UBE2Z: variants seen among roughly 807,000 people sequenced by gnomAD.
UBE2Z encodes ubiquitin-conjugating enzyme E2 Z.
A neutral mutation model predicts 32.6 loss-of-function variants in UBE2Z; 10 were observed. That is an observed-to-expected ratio of 0.31 (90% CI 0.19 to 0.52). The LOEUF is 0.52. Among genes scored for constraint, UBE2Z ranks in the 20% least tolerant of loss-of-function variants. UBE2Z has a pLI of 0.97. For missense variants in UBE2Z, 343 were observed against 480.9 expected (o/e 0.71, Z 2.68); for synonymous variants, 183 against 190.8 (o/e 0.96, Z 0.34).
At chr17:48,924,342 T>C (rs2040782676) in intron 6 of UBE2Z, among the ~76,000 whole-genome samples, 1 of 152,218 alleles carries the variant, frequency 6.6e-6, no homozygotes, top group African/African-American at 2.4e-5. Flanking sequence ...GAATCCTCTA[T>C]TTAAATTCTG....
chr17:48,922,783 A>C (rs1478683169), intron 5 of UBE2Z, 64 bp from the exon 6 acceptor site: 6 of 1,269,318 alleles, frequency 4.7e-6, no homozygotes, highest in Non-Finnish European at 6.6e-6. Context: ...AAAAAAGGTT[A>C]GGTAAGGAAG....
In UBE2Z at chr17:48,910,835, T is replaced by G. The variant is rs748721727; in HGVS notation, c.345T>G (p.Pro115=). The G allele has an allele frequency of 3.1e-6, 5 of 1,613,474 alleles. No homozygotes were observed. The highest frequency in any genetic ancestry group is 2.2e-5 in the South Asian group (2 of 91,054). Residue 115 remains proline (P), a synonymous_variant, in exon 2 of 7, where the codon CCT becomes CCG. Transcript: ENST00000360943. ...KRDIMSIYKE[P]PPGMFVVPDT... ...ATATCATGTCCATTTATAAGGAGCCTCCTCCAGGAATGTTCGTTGTACCTG... is the reference window on the plus strand; with the variant it reads ...ATATCATGTCCATTTATAAGGAGCCGCCTCCAGGAATGTTCGTTGTACCTG...
chr17:48,911,897 G>C (rs1351470460), intron 2 of UBE2Z: 1 of 152,120 alleles, frequency 6.6e-6, no homozygotes, highest in South Asian at 2.1e-4. Flanking sequence ...TCCTTTTGCT[G>C]TTCAAATGCT....
At chr17:48,912,797 T>C in intron 2 of UBE2Z, 37 bp from the exon 3 acceptor site, 1 of 1,610,210 alleles carries the variant, frequency 6.2e-7, no homozygotes, top group East Asian at 2.2e-5. Context: ...GGGTGGGTCA[T>C]CACCTCACAA....
chr17:48,914,866 C>A (rs1262137198), intron 3 of UBE2Z, among the ~76,000 whole-genome samples: 1 of 152,004 alleles, frequency 6.6e-6, no homozygotes, highest in Non-Finnish European at 1.5e-5. Flanking sequence ...ACTAAAAATA[C>A]AAAAATTAGC....
intron 1 of UBE2Z, among the ~76,000 whole-genome samples, chr17:48,910,039 C>G (rs966453664): frequency 5.9e-5 from 9 of 152,180 alleles, no homozygotes; most frequent in African/African-American, 2.2e-4. Context: ...ATGCTTTCCT[C>G]TGCTTTGTCG....
In UBE2Z at chr17:48,908,604, G is replaced by T; in HGVS notation, c.101G>T (p.Gly34Val). 1 of 1,239,504 alleles carries T rather than the reference G, an allele frequency of 8.1e-7. No individual in the cohort carries two copies. Among genetic ancestry groups the T allele is most frequent in the Non-Finnish European group, 1.0e-6 (1 of 988,778 alleles). The allele number at this position is 1,239,504 out of a possible 1,614,324, so 76.8% of individuals were successfully genotyped here. ...GGTGTTGTTGGCGTTAGCGGCAGCGGCGGCGGGTTCGGGCCGCCTTTCCTG... is the reference window on the plus strand; with the variant it reads ...GGTGTTGTTGGCGTTAGCGGCAGCGTCGGCGGGTTCGGGCCGCCTTTCCTG... ...VAGVVGVSGS[G>V]GGFGPPFLPD... is the part of the protein sequence containing the mutation. The change falls in exon 1 of 7, where the codon GGC becomes GTC. Residue 34 changes from glycine (G) to valine (V), a missense_variant. Gly to Val is a moderately radical substitution (Grantham distance 109). Transcript: ENST00000360943.
At chr17:48,926,733 G>A (rs574293132) in intron 6 of UBE2Z, among the ~76,000 whole-genome samples, 2 of 152,174 alleles carry the variant, frequency 1.3e-5, no homozygotes, top group East Asian at 1.9e-4. Context: ...CGCCCGCCTC[G>A]GCCGCCCAAA....
chr17:48,926,105 C>T (rs534375861), intron 6 of UBE2Z, among the ~76,000 whole-genome samples: 104 of 152,218 alleles, frequency 6.8e-4, no homozygotes, highest in Middle Eastern at 3.4e-3. Flanking sequence ...GGACTAAGAT[C>T]GAGGCTGGGT....
At chr17:48,912,425 C>T (rs2040686690) in intron 2 of UBE2Z, 1 of 160,018 alleles carries the variant, frequency 6.2e-6, no homozygotes, top group Non-Finnish European at 1.4e-5. Context: ...ATTAAAAACG[C>T]TAGGGTTATA....
intron 3 of UBE2Z, among the ~76,000 whole-genome samples, chr17:48,913,592 A>G (rs960447234): frequency 1.3e-5 from 2 of 152,142 alleles, no homozygotes; most frequent in Non-Finnish European, 2.9e-5. Flanking sequence ...TGACCTCATC[A>G]TCCACTCACC....
At chr17:48,908,878 C>A in intron 1 of UBE2Z, 58 bp downstream of exon 1, 5 of 1,114,236 alleles carry the variant, frequency 4.5e-6, no homozygotes, top group Non-Finnish European at 5.6e-6. Flanking sequence ...CTTCCCCGCC[C>A]CCCACCCTCT....
intron 5 of UBE2Z, among the ~76,000 whole-genome samples, chr17:48,922,073 T>A (rs1368081421): frequency 2.6e-5 from 4 of 152,172 alleles, no homozygotes; most frequent in Non-Finnish European, 4.4e-5. Context: ...TCATAATTCC[T>A]GATGTGTAGG....
At chr17:48,914,647 A>G (rs1351661203) in intron 3 of UBE2Z, among the ~76,000 whole-genome samples, 2 of 152,232 alleles carry the variant, frequency 1.3e-5, no homozygotes, top group Non-Finnish European at 2.9e-5. Flanking sequence ...GCCACAGGAC[A>G]GTGGGGTAAA....
In UBE2Z at chr17:48,926,990, C is replaced by T. The variant is rs2040803026; in HGVS notation, c.921C>T (p.His307=). 1.9e-6 allele frequency: 3 copies of T among 1,613,266 alleles called. No individual in the cohort carries two copies. The highest frequency in any genetic ancestry group is 2.5e-6 in the Non-Finnish European group (3 of 1,179,772). The change falls in exon 7 of 7, where the codon CAC becomes CAT. Residue 307 remains histidine, a synonymous_variant. Coordinates refer to ENST00000360943, the MANE Select transcript of UBE2Z (RefSeq NM_023079.5). ...ACCCTTTTGGAGAGAAGCGGGGCCACTTTGACTACCAGTCCCTCTTGATGC... is the reference window on the plus strand; with the variant it reads ...ACCCTTTTGGAGAGAAGCGGGGCCATTTTGACTACCAGTCCCTCTTGATGC... ...MQDPFGEKRG[H]FDYQSLLMRL... is the part of the protein sequence containing the mutation.
At chr17:48,914,560 T>C (rs2040705947) in intron 3 of UBE2Z, among the ~76,000 whole-genome samples, 1 of 152,240 alleles carries the variant, frequency 6.6e-6, no homozygotes, top group Admixed American at 6.5e-5. Context: ...TGCTTCTGTA[T>C]GAAATTTGTT....
intron 4 of UBE2Z, among the ~76,000 whole-genome samples, chr17:48,918,974 T>C (rs549395745): frequency 3.3e-4 from 50 of 152,284 alleles, no homozygotes; most frequent in African/African-American, 2.4e-5. Flanking sequence ...CTTGAACATA[T>C]GGCCTCAAGC....
chr17:48,915,851 T>A (rs987541742), intron 3 of UBE2Z: 2 of 444,074 alleles, frequency 4.5e-6, no homozygotes, highest in Non-Finnish European at 7.8e-6. Flanking sequence ...TAGCTTGCTA[T>A]TACCTGTTCT....
In UBE2Z at chr17:48,925,898, T is replaced by C. The variant is rs558448034; in HGVS notation, c.895-1066T>C. On this transcript the variant is annotated intron_variant, in intron 6 of 6. Transcript: ENST00000360943. ...TGTGGGCAGAAGTATGGAAGGAGTT[T>C]TTGTGAGAGAAGCAAACAATGTGAG... Among the ~76,000 whole-genome samples the C allele has an allele frequency of 7.9e-5, 12 of 152,296 alleles. No homozygotes were observed. The East Asian group carries it at 2.3e-3, about 29-fold the overall frequency.
Sources: gnomAD v4.1 joint callset for allele counts (sites outside exome capture counted in the v4.1 genomes callset) on GRCh38, gnomAD v4.1.1 for gene constraint, MANE v1.5 for transcripts, NCBI Gene and HGNC (gene_info 2026-07-23, HGNC 2026-07-21) for gene names.